Variants in COPA observed in about 807,000 individuals in gnomAD.
The protein encoded by COPA is coat protein complex I subunit alpha.
A neutral mutation model predicts 158.7 loss-of-function variants in COPA; 10 were observed. That is an observed-to-expected ratio of 0.06 (90% CI 0.04 to 0.11). The LOEUF (loss-of-function observed/expected upper bound fraction) is 0.11. Ranked by LOEUF, COPA falls within the 10% of genes least tolerant of loss-of-function variation. COPA has a pLI of 1.00. For synonymous variants in COPA, 462 were observed against 542.8 expected (o/e 0.85, Z 2.07); for missense variants, 1,065 against 1,536.7 (o/e 0.69, Z 5.13).
rs765356400 is a variant in COPA at position 160,311,890 on chromosome 1, C to T, written c.1054G>A (p.Val352Ile). ...TACCTCCGCAACTGCATCACAGCTA[C>T]ATCTTTGGAGCTGTTGAAATCCAGC... ...RQLDFNSSKD[V>I]AVMQLRSGSK... The change falls in exon 11 of 33, where the codon GTA becomes ATA. Residue 352 changes from valine to isoleucine, a missense_variant. This residue lies in a region of COPA where 980 missense variants were observed against 1,357.8 expected (regional missense o/e 0.72). Coordinates refer to ENST00000241704, the MANE Select transcript of COPA (RefSeq NM_004371.4). 1 of 1,613,630 alleles carries T rather than the reference C, an allele frequency of 6.2e-7. No homozygotes were observed. The highest frequency in any genetic ancestry group is 8.5e-7 in the Non-Finnish European group (1 of 1,179,710).
chr1:160,304,020 GTTCTTT>G (rs1176349334), intron 17 of COPA, among the ~76,000 whole-genome samples: 1 of 151,760 alleles, frequency 6.6e-6, no homozygotes, highest in Non-Finnish European at 1.5e-5. Flanking sequence ...GAAATTTTTT[GTTCTTT>G]TTTTTTTGAG....
rs138359166 is a variant in COPA at position 160,314,069 on chromosome 1, C to T, written c.763G>A (p.Ala255Thr). ...CRGHYNNVSC[A>T]VFHPRQELIL... ...AACTCTTGGCGAGGGTGGAAGACGGCACAAGATACATTGTTGTAATGGCCC... is the reference window on the plus strand; with the variant it reads ...AACTCTTGGCGAGGGTGGAAGACGGTACAAGATACATTGTTGTAATGGCCC... Residue 255 changes from alanine to threonine, a missense_variant, in exon 9 of 33, where the codon GCC (alanine) becomes ACC (threonine). Coordinates refer to ENST00000241704, the MANE Select transcript of COPA (RefSeq NM_004371.4). 1.0e-4 allele frequency: 163 copies of T among 1,613,854 alleles called. 1 individual carries two copies. The African/African-American group carries it at 1.8e-3, about 18-fold the overall frequency.
rs1218738385 is a variant in COPA at position 160,308,907 on chromosome 1, G to A, written c.1219+194C>T. 21 of 531,782 alleles carry A rather than the reference G, an allele frequency of 3.9e-5. No individual in the cohort carries two copies. In the South Asian group the frequency reaches 5.5e-4, roughly 14 times the overall value. The allele number at this position is 531,782 out of a possible 1,614,324, so 32.9% of individuals were successfully genotyped here. ...ATTATAAAATATATATATCTAGCTGGGGTAATAAAATGGAGGAGGAACATG... is the reference window on the plus strand; with the variant it reads ...ATTATAAAATATATATATCTAGCTGAGGTAATAAAATGGAGGAGGAACATG... On this transcript the variant is annotated intron_variant, in intron 13 of 32. Coordinates refer to ENST00000241704, the MANE Select transcript of COPA (RefSeq NM_004371.4).
intron 8 of COPA, among the ~76,000 whole-genome samples, chr1:160,318,474 AAAAAAAAAAAAAAAAAAC>A (rs1257268112): frequency 0.016 from 1,267 of 77,632 alleles, 21 homozygotes; most frequent in African/African-American, 0.067. Context: ...TTTGTAAAAA[AAAAAAAAAAAAAAAAAAC>A]AAAAAAAAAA....
rs1212608899 is a variant in COPA, at chr1:160,292,585, G to C, written c.2859C>G (p.Gly953=). ...TCTGTAGGAACAGTTGCTTGTAGGG[G>C]CCAAACTGGATTACCCCTACTTGGT... ...LHDQVGVIQF[G]PYKQLFLQTY... is the part of the protein sequence containing the mutation. The change falls in exon 28 of 33, where the codon GGC becomes GGG. Residue 953 remains glycine, a synonymous_variant. Coordinates refer to ENST00000241704, the MANE Select transcript of COPA (RefSeq NM_004371.4). The C allele has an allele frequency of 6.2e-7, 1 of 1,613,520 alleles. No homozygotes were observed. The highest frequency in any genetic ancestry group is 8.5e-7 in the Non-Finnish European group (1 of 1,179,838).
chr1:160,331,940 T>A (rs1476864037), intron 6 of COPA, among the ~76,000 whole-genome samples: 1 of 147,882 alleles, frequency 6.8e-6, no homozygotes, highest in African/African-American at 2.5e-5. Flanking sequence ...AAAGCAAGAC[T>A]CCCTCTCAGA....
chr1:160,328,712 G>A (rs74125590), intron 6 of COPA, among the ~76,000 whole-genome samples: 2,101 of 152,316 alleles, frequency 0.014, 45 homozygotes, highest in African/African-American at 0.042. Context: ...TTAACTGTCA[G>A]TTTACTTAGA....
At chr1:160,341,603 T>C (rs1207248072) in intron 1 of COPA, among the ~76,000 whole-genome samples, 1 of 152,204 alleles carries the variant, frequency 6.6e-6, no homozygotes, top group Admixed American at 6.5e-5. Context: ...CAATATACAG[T>C]CTCATGAAGT....
chr1:160,325,914 C>G (rs1659476318), intron 6 of COPA, among the ~76,000 whole-genome samples: 1 of 152,236 alleles, frequency 6.6e-6, no homozygotes. Context: ...ACCCAAATTT[C>G]TGGCACACTT....
chr1:160,311,998 C>G lies in COPA; in HGVS notation c.946G>C (p.Val316Leu). ...GGCCGTTCCCGTTCCAGCTTAAACA[C>G]AATCATACCACCATCATGGCCTGGG... ...FAAGHDGGMI[V>L]FKLERERPAY... is the part of the protein sequence containing the mutation. Residue 316 changes from valine to leucine, a missense_variant, in exon 11 of 33, where the codon GTG (valine) becomes CTG (leucine). Physicochemically the swap from Val to Leu is conservative, Grantham distance 32. Transcript: ENST00000241704. 1 of 1,613,632 alleles carries G rather than the reference C, an allele frequency of 6.2e-7. No individual in the cohort carries two copies. The highest frequency in any genetic ancestry group is 8.5e-7 in the Non-Finnish European group (1 of 1,179,746).
Position 160,326,560 on chromosome 1 carries a change from C to G in COPA, c.497-908G>C, listed in dbSNP as rs146148675. Among the ~76,000 whole-genome samples the G allele has an allele frequency of 1.1e-3, 174 of 152,242 alleles. 2 individuals carry two copies. The highest frequency in any genetic ancestry group is 4.6e-4 in the Non-Finnish European group (31 of 68,022). On this transcript the variant is annotated intron_variant, in intron 6 of 32. Transcript: ENST00000241704. ...AAAGCCATTTGAAGAAGCCACAGTG[C>G]AGTGTTTCTCAACTTGAAGCCTTTC...
At chr1:160,312,992 A>G (rs1659016766) in intron 10 of COPA, 93 bp downstream of exon 10, 1 of 1,138,298 alleles carries the variant, frequency 8.8e-7, no homozygotes, top group Admixed American at 2.2e-5. Context: ...TTGTCATCCT[A>G]CTATACATTT....
At chr1:160,338,650 G>A (rs368716135) in intron 3 of COPA, among the ~76,000 whole-genome samples, 159 of 152,142 alleles carry the variant, frequency 1.0e-3, no homozygotes, top group African/African-American at 3.6e-3. Context: ...TCACACTAAG[G>A]CCTTCCAAAT....
chr1:160,298,964 G>C lies in COPA; in HGVS notation c.1858C>G (p.Leu620Val). The C allele has an allele frequency of 6.2e-7, 1 of 1,614,098 alleles. No individual in the cohort carries two copies. Among genetic ancestry groups the C allele is most frequent in the African/African-American group, 1.3e-5 (1 of 75,008 alleles). ...EVLHMVRNAK[L>V]VGQSIIAYLQ... is the part of the protein sequence containing the mutation. ...TAAGCAATAATAGACTGGCCAACTA[G>C]TTTGGCATTCCTCACCATGTGCAGT... Residue 620 changes from leucine (L) to valine (V), a missense_variant, in exon 19 of 33, where the codon CTA becomes GTA. Coordinates refer to ENST00000241704, the MANE Select transcript of COPA (RefSeq NM_004371.4).
In COPA at chr1:160,288,608, T is replaced by C. The variant is rs16831744; in HGVS notation, c.*1549A>G. 0.1 allele frequency among the ~76,000 whole-genome samples: 15,261 copies of C among 152,122 alleles called. 1,828 individuals are homozygous for C. The highest frequency in any genetic ancestry group is 0.29 in the African/African-American group (11,924 of 41,442). On this transcript the variant is annotated 3_prime_UTR_variant, in exon 33 of 33. Transcript: ENST00000241704. Reference sequence around the variant, plus strand: ...TTTATATTTACTGATTTTTCAACTATATGCATTTATTATTTATTGAAAACA... The same window carrying C: ...TTTATATTTACTGATTTTTCAACTACATGCATTTATTATTTATTGAAAACA...
chr1:160,313,271 A>C, intron 9 of COPA, 104 bp from the exon 10 acceptor site: 1 of 1,001,626 alleles, frequency 1.0e-6, no homozygotes, highest in Non-Finnish European at 1.5e-6. Context: ...TTAAAATGTA[A>C]ATCAGGGAGA....
At chr1:160,298,785 T>C in intron 19 of COPA, 60 bp downstream of exon 19, 1 of 1,589,346 alleles carries the variant, frequency 6.3e-7, no homozygotes. Context: ...GCCCTCCCAA[T>C]GGCACTCTAA....
intron 17 of COPA, among the ~76,000 whole-genome samples, chr1:160,303,155 C>T (rs947026480): frequency 3.9e-5 from 6 of 152,044 alleles, no homozygotes; most frequent in Admixed American, 2.6e-4. Context: ...GCCAAGATTA[C>T]GCCACTGTAC....
chr1:160,305,847 C>T (rs1414522705), intron 15 of COPA, 74 bp from the exon 16 acceptor site: 2 of 1,205,538 alleles, frequency 1.7e-6, no homozygotes, highest in Non-Finnish European at 1.2e-6. Context: ...ACATCAATTG[C>T]ACCCTCTAAT....
Sources: gnomAD v4.1 joint callset for allele counts (sites outside exome capture counted in the v4.1 genomes callset) on GRCh38, gnomAD v4.1.1 for gene constraint, gnomAD v4.1.1 regional missense constraint, MANE v1.5 for transcripts, NCBI Gene and HGNC (gene_info 2026-07-23, HGNC 2026-07-21) for gene names.